TMEM170A: variants seen among roughly 807,000 people sequenced by gnomAD.
The protein encoded by TMEM170A is transmembrane protein 170A, also known as transmembrane protein 170.
Under a neutral mutation model 12.8 loss-of-function variants are expected in TMEM170A, and 18 were observed. The ratio of observed to expected loss-of-function variants is 1.41; its 90% CI spans 0.97 to 2.09. TMEM170A has a LOEUF of 2.09. Among genes scored for constraint, TMEM170A ranks in the 30% most tolerant of loss-of-function variants. The pLI is 0.00. For missense variants in TMEM170A, 220 were observed against 179.9 expected (o/e 1.22, Z -1.28); for synonymous variants, 107 against 76.2 (o/e 1.40, Z -2.11).
intron 1 of TMEM170A, among the ~76,000 whole-genome samples, chr16:75,463,574 C>T (rs936909876): frequency 6.6e-6 from 1 of 152,218 alleles, no homozygotes; most frequent in Non-Finnish European, 1.5e-5. Context: ...GTCCTCCTTC[C>T]CTCTGCTCTG....
At chr16:75,460,967 C>G (rs1262309342) in intron 1 of TMEM170A, among the ~76,000 whole-genome samples, 2 of 152,098 alleles carry the variant, frequency 1.3e-5, no homozygotes, top group Admixed American at 1.3e-4. Flanking sequence ...AGATAAAGAT[C>G]TCAGTTTCTT....
upstream of TMEM170A, chr16:75,464,734 A>T: frequency 1.6e-6 from 2 of 1,279,236 alleles, no homozygotes; most frequent in Middle Eastern, 2.7e-4. Context: ...CGGCGCTGCC[A>T]AGTGACCGTT....
At chr16:75,454,773 A>C (rs1433872561) in intron 1 of TMEM170A, among the ~76,000 whole-genome samples, 1 of 152,224 alleles carries the variant, frequency 6.6e-6, no homozygotes, top group Non-Finnish European at 1.5e-5. Context: ...GGTTGTCATG[A>C]CATTATTCCA....
intron 1 of TMEM170A, chr16:75,459,122 G>C (rs2079854479): frequency 6.6e-6 from 1 of 152,228 alleles, no homozygotes; most frequent in African/African-American, 2.4e-5. Context: ...TCGAACTCCT[G>C]ACCTCAGGTG....
chr16:75,464,074 C>T (rs935069667), intron 1 of TMEM170A, among the ~76,000 whole-genome samples: 1 of 152,242 alleles, frequency 6.6e-6, no homozygotes, highest in Non-Finnish European at 1.5e-5. Context: ...CGCTCCGAGA[C>T]CCCTCGAAGG....
At chr16:75,454,411 G>C (rs987411482) in intron 1 of TMEM170A, among the ~76,000 whole-genome samples, 1 of 152,020 alleles carries the variant, frequency 6.6e-6, no homozygotes, top group Non-Finnish European at 1.5e-5. Flanking sequence ...GAGGTCAGGA[G>C]TTCAAGACCA....
intron 1 of TMEM170A, among the ~76,000 whole-genome samples, chr16:75,455,649 G>A (rs1029269276): frequency 7.9e-5 from 12 of 151,854 alleles, no homozygotes; most frequent in Admixed American, 6.6e-5. Context: ...CTAAAAATAC[G>A]TAAAAATTAG....
intron 1 of TMEM170A, among the ~76,000 whole-genome samples, chr16:75,457,416 A>G (rs1363134491): frequency 6.6e-6 from 1 of 152,172 alleles, no homozygotes; most frequent in Non-Finnish European, 1.5e-5. Flanking sequence ...TAGGAGAGGA[A>G]GAGATTCTCA....
rs1445135587 is a variant in TMEM170A, at chr16:75,464,646, T to A, written c.-46A>T. On this transcript the variant is annotated 5_prime_UTR_variant, in exon 1 of 3. Coordinates refer to ENST00000561878, the MANE Select transcript of TMEM170A (RefSeq NM_145254.3). ...AGAAATGAGGGACGAGCGCCCGAAGTGCGGTAGCGGCCGGCGCCGACTCAC... is the reference window on the plus strand; with the variant it reads ...AGAAATGAGGGACGAGCGCCCGAAGAGCGGTAGCGGCCGGCGCCGACTCAC... 1 of 1,547,932 alleles carries A rather than the reference T, an allele frequency of 6.5e-7. No homozygotes were observed. The highest frequency in any genetic ancestry group is 1.4e-5 in the African/African-American group (1 of 70,098).
At chr16:75,454,550 G>A (rs1384779960) in intron 1 of TMEM170A, among the ~76,000 whole-genome samples, 1 of 152,038 alleles carries the variant, frequency 6.6e-6, no homozygotes, top group South Asian at 2.1e-4. Flanking sequence ...CAGGAGAATC[G>A]CTTGAACCCA....
intron 1 of TMEM170A, among the ~76,000 whole-genome samples, chr16:75,459,148 C>G (rs2079855002): frequency 6.6e-6 from 1 of 152,166 alleles, no homozygotes; most frequent in African/African-American, 2.4e-5. Context: ...CCCGCCTTGG[C>G]CTCCCAAAGT....
intron 1 of TMEM170A, 114 bp downstream of exon 1, chr16:75,464,354 C>A (rs1337325609): frequency 7.2e-7 from 1 of 1,385,958 alleles, no homozygotes; most frequent in African/African-American, 1.5e-5. Context: ...CGGAGGACAG[C>A]GCCCACGCCG....
chr16:75,455,740 G>C (rs796764499), intron 1 of TMEM170A, among the ~76,000 whole-genome samples: 2 of 152,258 alleles, frequency 1.3e-5, no homozygotes, highest in African/African-American at 4.8e-5. Context: ...AGGAGGCAGA[G>C]GTCGCAATGA....
intron 2 of TMEM170A, among the ~76,000 whole-genome samples, chr16:75,448,256 A>G (rs1421151891): frequency 6.6e-6 from 1 of 152,232 alleles, no homozygotes; most frequent in Non-Finnish European, 1.5e-5. Context: ...GTTGTTATTC[A>G]TTCACAGGGC....
At chr16:75,448,033 C>T (rs961861981) in intron 2 of TMEM170A, among the ~76,000 whole-genome samples, 2 of 152,192 alleles carry the variant, frequency 1.3e-5, no homozygotes, top group Non-Finnish European at 2.9e-5. Context: ...TATTCCCCTA[C>T]CAGTTACCCC....
rs543153335 is a variant in TMEM170A, at chr16:75,452,958, AAGTAT to A, written c.134-1124_134-1120del. On this transcript the variant is annotated intron_variant, in intron 1 of 2. Coordinates refer to ENST00000561878, the MANE Select transcript of TMEM170A (RefSeq NM_145254.3). Reference sequence around the variant, plus strand: ...TTATTCAACCCATGCCCTTTCATTTAAGTATTGTTTATGGCTGCCTTCCAGCTTCA... The same window carrying A: ...TTATTCAACCCATGCCCTTTCATTTATGTTTATGGCTGCCTTCCAGCTTCA... 8.2e-3 allele frequency among the ~76,000 whole-genome samples: 1,252 copies of A among 152,266 alleles called. 5 individuals carry two copies. The highest frequency in any genetic ancestry group is 0.014 in the Non-Finnish European group (938 of 68,028).
intron 2 of TMEM170A, among the ~76,000 whole-genome samples, chr16:75,450,009 T>A (rs1366192783): frequency 6.6e-6 from 1 of 152,162 alleles, no homozygotes; most frequent in Non-Finnish European, 1.5e-5. Flanking sequence ...TATTACATCA[T>A]ATACACATTA....
At chr16:75,456,247 C>T (rs55723035) in intron 1 of TMEM170A, among the ~76,000 whole-genome samples, 2,988 of 152,020 alleles carry the variant, frequency 0.02, 47 homozygotes, top group Non-Finnish European at 0.028. Flanking sequence ...AAATGGTTCT[C>T]GGTGAAAACA....
At chr16:75,457,628 A>G (rs1469495640) in intron 1 of TMEM170A, among the ~76,000 whole-genome samples, 1 of 152,154 alleles carries the variant, frequency 6.6e-6, no homozygotes, top group Non-Finnish European at 1.5e-5. Context: ...CCATGCTGAG[A>G]CAAAAATGTC....
Sources: gnomAD v4.1 joint callset for allele counts (sites outside exome capture counted in the v4.1 genomes callset) on GRCh38, gnomAD v4.1.1 for gene constraint, MANE v1.5 for transcripts, NCBI Gene and HGNC (gene_info 2026-07-23, HGNC 2026-07-21) for gene names.